MEAF6: variants seen among roughly 807,000 people sequenced by gnomAD.
The protein encoded by MEAF6 is MYST/Esa1 associated factor 6.
A neutral mutation model predicts 28.9 loss-of-function variants in MEAF6; 15 were observed. The ratio of observed to expected loss-of-function variants is 0.52; its 90% CI spans 0.35 to 0.80. The LOEUF (loss-of-function observed/expected upper bound fraction) is 0.80, where lower values mean the gene tolerates loss of function less well. Ranked by LOEUF, MEAF6 falls within the 30% of genes least tolerant of loss-of-function variation. The probability of loss-of-function intolerance (pLI) is 0.01; values close to 1 mark genes in which losing one functional copy is unlikely to be tolerated. For missense variants in MEAF6, 178 were observed against 237.5 expected (o/e 0.75, Z 1.65); for synonymous variants, 97 against 88.7 (o/e 1.09, Z -0.53).
At chr1:37,498,075 C>T (rs1219128242) in intron 5 of MEAF6, among the ~76,000 whole-genome samples, 1 of 152,202 alleles carries the variant, frequency 6.6e-6, no homozygotes, top group Non-Finnish European at 1.5e-5. Context: ...TCACCGGCTC[C>T]AACACCTTCC....
chr1:37,500,286 CTG>C lies in MEAF6; in HGVS notation c.533+1516_533+1517del, dbSNP rs1491033530. The stretch of plus-strand genomic sequence containing the variant: ...CTCCAGCCTGGGTGACAGAGCAAGA[CTG>C]TCTGAAAAAAATAAAAAATTAAAAA... On this transcript the variant is annotated intron_variant, in intron 5 of 6. Coordinates refer to ENST00000296214, the MANE Select transcript of MEAF6 (RefSeq NM_001270875.3). Among the ~76,000 whole-genome samples the C allele has an allele frequency of 9.5e-4, 12 of 12,664 alleles. No individual in the cohort carries two copies. In the East Asian group the frequency reaches 0.12, roughly 124 times the overall value. 8.3% of individuals were successfully genotyped at this position (12,664 alleles called of 152,430 possible).
At chr1:37,504,778 A>C (rs1642426349) in intron 4 of MEAF6, among the ~76,000 whole-genome samples, 1 of 135,548 alleles carries the variant, frequency 7.4e-6, no homozygotes, top group African/African-American at 2.6e-5. Context: ...ATCTCAAAAA[A>C]AAAAAAAAAA....
chr1:37,493,891 T>A lies in MEAF6; in HGVS notation c.*208A>T. ...CTTCATCTTCCTGCAGTTCTGTTACTAAAAATGACATAAAGTAAGACCCAA... is the reference window on the plus strand; with the variant it reads ...CTTCATCTTCCTGCAGTTCTGTTACAAAAAATGACATAAAGTAAGACCCAA... On this transcript the variant is annotated 3_prime_UTR_variant, in exon 7 of 7. Coordinates refer to ENST00000296214, the MANE Select transcript of MEAF6 (RefSeq NM_001270875.3). 2 of 1,576,446 alleles carry A rather than the reference T, an allele frequency of 1.3e-6. No individual in the cohort carries two copies. Among genetic ancestry groups the A allele is most frequent in the South Asian group, 2.3e-5 (2 of 86,888 alleles).
At chr1:37,498,217 G>A (rs529424388) in intron 5 of MEAF6, among the ~76,000 whole-genome samples, 9 of 152,242 alleles carry the variant, frequency 5.9e-5, no homozygotes, top group African/African-American at 2.2e-4. Context: ...TCACAAAATA[G>A]TTTCACTTTA....
chr1:37,509,339 C>A lies in MEAF6; in HGVS notation c.295-16G>T, dbSNP rs544851460. 7 of 1,613,886 alleles carry A rather than the reference C, an allele frequency of 4.3e-6. No individual in the cohort carries two copies. The highest frequency in any genetic ancestry group is 1.1e-5 in the South Asian group (1 of 91,074). On this transcript the variant is annotated splice_polypyrimidine_tract_variant and intron_variant, in intron 3 of 6. Transcript: ENST00000296214. ...CACTTACTGCCTAAAAGAAAAGCCA[C>A]CAGTTACTAGAAAAGTGACCACAGA...
chr1:37,509,376 C>G (rs1203590273), intron 3 of MEAF6, 53 bp from the exon 4 acceptor site: 6 of 1,604,764 alleles, frequency 3.7e-6, no homozygotes, highest in Non-Finnish European at 5.1e-6. Flanking sequence ...CTCAGAAGAG[C>G]ACTCCCAGAG....
intron 1 of MEAF6, chr1:37,513,962 C>G (rs889865015): frequency 1.4e-4 from 28 of 202,704 alleles, no homozygotes; most frequent in African/African-American, 5.5e-4. Context: ...CCGCCGACAC[C>G]GGGCTGCCAG....
Position 37,490,313 on chromosome 1 carries a change from A to C in MEAF6, c.*3786T>G, listed in dbSNP as rs556888268. The stretch of plus-strand genomic sequence containing the variant: ...AAAACTGTTTCAAATCACGAAGCTT[A>C]CCACTTAGACAATTCAGACAAGGTA... On this transcript the variant is annotated 3_prime_UTR_variant, in exon 7 of 7. Transcript: ENST00000296214. 6.6e-6 allele frequency among the ~76,000 whole-genome samples: 1 copy of C among 152,232 alleles called. No homozygotes were observed. The highest frequency in any genetic ancestry group is 1.5e-5 in the Non-Finnish European group (1 of 68,014).
Position 37,494,975 on chromosome 1 carries a change from CA to C in MEAF6, c.568-869del, listed in dbSNP as rs879634046. ...ATTAGAGCACCTGAATTCACCAGTC[CA>C]AAAAAAAAAAGAGCTAGTATTAACA... On this transcript the variant is annotated intron_variant, in intron 6 of 6. Coordinates refer to ENST00000296214, the MANE Select transcript of MEAF6 (RefSeq NM_001270875.3). 6.0e-3 allele frequency among the ~76,000 whole-genome samples: 834 copies of C among 139,090 alleles called. 4 individuals carry two copies. The highest frequency in any genetic ancestry group is 0.018 in the African/African-American group (674 of 37,986). The allele number at this position is 139,090 out of a possible 152,430, so 91.2% of individuals were successfully genotyped here.
chr1:37,509,519 C>T lies in MEAF6; in HGVS notation c.230G>A (p.Arg77Gln), dbSNP rs868263057. 3 of 1,614,022 alleles carry T rather than the reference C, an allele frequency of 1.9e-6. No individual in the cohort carries two copies. The highest frequency in any genetic ancestry group is 2.5e-6 in the Non-Finnish European group (3 of 1,179,992). ...NQKNSNSKND[R>Q]RNRKFKEAER... is the part of the protein sequence containing the mutation. Reference sequence around the variant, plus strand: ...AGCTTCCTTAAACTTCCGGTTCCTTCGATCATTTTTGCTATTGGAGTTTCT... The same window carrying T: ...AGCTTCCTTAAACTTCCGGTTCCTTTGATCATTTTTGCTATTGGAGTTTCT... Residue 77 changes from arginine (R) to glutamine (Q), a missense_variant, in exon 3 of 7, where the codon CGA (arginine) becomes CAA (glutamine). Arg to Gln is a conservative substitution (Grantham distance 43). This residue lies in a region of MEAF6 where 124 missense variants were observed against 200.5 expected (regional missense o/e 0.62). Transcript: ENST00000296214.
chr1:37,505,746 T>C (rs1642460329), intron 4 of MEAF6, among the ~76,000 whole-genome samples: 1 of 152,174 alleles, frequency 6.6e-6, no homozygotes, highest in East Asian at 1.9e-4. Flanking sequence ...AACGTATAAA[T>C]CAGGGGACTA....
intron 6 of MEAF6, among the ~76,000 whole-genome samples, chr1:37,494,905 T>C (rs1036178691): frequency 1.3e-5 from 2 of 152,086 alleles, no homozygotes; most frequent in African/African-American, 4.8e-5. Context: ...GAAAATGGTC[T>C]GCCTTCTGAG....
intron 4 of MEAF6, 32 bp from the exon 5 acceptor site, chr1:37,502,028 C>T (rs760661075): frequency 6.4e-7 from 1 of 1,569,164 alleles, no homozygotes; most frequent in East Asian, 2.3e-5. Context: ...TTTCCAAATG[C>T]ATCATCAGTA....
At chr1:37,496,115 T>A (rs1642124205) in intron 5 of MEAF6, among the ~76,000 whole-genome samples, 197 bp from the exon 6 acceptor site, 2 of 152,242 alleles carry the variant, frequency 1.3e-5, no homozygotes, top group Non-Finnish European at 2.9e-5. Flanking sequence ...AGCACACATT[T>A]TTGCCCTAAG....
chr1:37,513,615 A>T, intron 1 of MEAF6, 77 bp from the exon 2 acceptor site: 1 of 1,166,372 alleles, frequency 8.6e-7, no homozygotes, highest in Non-Finnish European at 1.3e-6. Flanking sequence ...TGAAATCCTG[A>T]TATTAGACTC....
intron 2 of MEAF6, among the ~76,000 whole-genome samples, chr1:37,510,274 G>C (rs908979865): frequency 2.7e-5 from 4 of 150,200 alleles, no homozygotes; most frequent in Non-Finnish European, 5.9e-5. Context: ...GTAGAGACGG[G>C]ATTTCACCAA....
chr1:37,504,990 T>C (rs1642436005), intron 4 of MEAF6, among the ~76,000 whole-genome samples: 1 of 151,644 alleles, frequency 6.6e-6, no homozygotes, highest in Non-Finnish European at 1.5e-5. Flanking sequence ...TTCAAACGGT[T>C]CCCCTGCCTC....
chr1:37,502,130 CAGAGAAGATACAT>C, intron 4 of MEAF6, 134 bp from the exon 5 acceptor site: 1 of 559,914 alleles, frequency 1.8e-6, no homozygotes, highest in Non-Finnish European at 3.0e-6. Flanking sequence ...TACATGTTGA[CAGAGAAGATACAT>C]GTTGACAGAG....
Position 37,492,169 on chromosome 1 carries a change from C to A in MEAF6, c.*1930G>T, listed in dbSNP as rs1457769431. ...TCAGCCTCCCGAGTAGCTGGGACTACCGGCACCCGCCACCACGCTCAGCTA... is the reference window on the plus strand; with the variant it reads ...TCAGCCTCCCGAGTAGCTGGGACTAACGGCACCCGCCACCACGCTCAGCTA... On this transcript the variant is annotated 3_prime_UTR_variant, in exon 7 of 7. Coordinates refer to ENST00000296214, the MANE Select transcript of MEAF6 (RefSeq NM_001270875.3). Among the ~76,000 whole-genome samples the A allele has an allele frequency of 6.6e-6, 1 of 152,126 alleles. No individual in the cohort carries two copies. Among genetic ancestry groups the A allele is most frequent in the East Asian group, 1.9e-4 (1 of 5,180 alleles).
Sources: gnomAD v4.1 joint callset for allele counts (sites outside exome capture counted in the v4.1 genomes callset) on GRCh38, gnomAD v4.1.1 for gene constraint, gnomAD v4.1.1 regional missense constraint, MANE v1.5 for transcripts, NCBI Gene and HGNC (gene_info 2026-07-23, HGNC 2026-07-21) for gene names.